Variants in NDUFB5 observed in about 807,000 individuals in gnomAD.
NDUFB5 encodes NADH:ubiquinone oxidoreductase subunit B5, also known as NADH dehydrogenase [ubiquinone] 1 beta subcomplex subunit 5, mitochondrial.
A neutral mutation model predicts 19.4 loss-of-function variants in NDUFB5; 19 were observed. The ratio of observed to expected loss-of-function variants is 0.98; its 90% CI spans 0.68 to 1.43. The LOEUF is 1.43. Among genes scored for constraint, NDUFB5 ranks in the 40% most tolerant of loss-of-function variants. NDUFB5 has a pLI of 0.00. For synonymous variants in NDUFB5, 80 were observed against 82.6 expected (o/e 0.97, Z 0.17); for missense variants, 233 against 236.5 (o/e 0.99, Z 0.10).
chr3:179,614,346 A>C (rs1364242006), intron 1 of NDUFB5, among the ~76,000 whole-genome samples: 1 of 152,190 alleles, frequency 6.6e-6, no homozygotes, highest in Non-Finnish European at 1.5e-5. Context: ...GATATTTTAG[A>C]GTGTGTAGTT....
In NDUFB5 at chr3:179,624,446, C is replaced by CT. The variant is rs1719615464; in HGVS notation, c.*407dup. 6.5e-6 allele frequency: 1 copy of CT among 153,558 alleles called. No individual in the cohort carries two copies. The highest frequency in any genetic ancestry group is 6.5e-5 in the Admixed American group (1 of 15,302). 9.5% of individuals were successfully genotyped at this position (153,558 alleles called of 1,614,324 possible). A position where few individuals can be genotyped will look rare whatever the true frequency, so the allele number is the denominator to read the frequency against. On this transcript the variant is annotated 3_prime_UTR_variant, in exon 6 of 6. Coordinates refer to ENST00000259037, the MANE Select transcript of NDUFB5 (RefSeq NM_002492.4). Reference sequence around the variant, plus strand: ...AGTTCCATAAAGTATTGAACCAACTCTAAAATGTTAACTCCTTAATAAACA... The same window carrying CT: ...AGTTCCATAAAGTATTGAACCAACTCTTAAAATGTTAACTCCTTAATAAACA...
intron 4 of NDUFB5, chr3:179,618,161 C>T (rs1719432825): frequency 3.3e-6 from 1 of 304,178 alleles, no homozygotes; most frequent in African/African-American, 2.2e-5. Flanking sequence ...GCTTTGGAGT[C>T]AGACAGACCT....
chr3:179,616,882 C>A, intron 3 of NDUFB5, 101 bp from the exon 4 acceptor site: 1 of 814,712 alleles, frequency 1.2e-6, no homozygotes, highest in South Asian at 1.6e-5. Context: ...TTTAAAGAAT[C>A]CTTTAAAACC....
intron 5 of NDUFB5, 110 bp downstream of exon 5, chr3:179,618,631 A>G (rs1719446141): frequency 4.1e-6 from 3 of 737,032 alleles, no homozygotes; most frequent in Non-Finnish European, 2.3e-6. Flanking sequence ...TACTTTATGT[A>G]AAAGGATAAA....
In NDUFB5 at chr3:179,616,153, C is replaced by T. The variant is rs567276843; in HGVS notation, c.280+104C>T. 2.4e-4 allele frequency: 200 copies of T among 835,300 alleles called. 2 individuals are homozygous for T. In the South Asian group the frequency reaches 3.3e-3, roughly 14 times the overall value. 51.7% of individuals were successfully genotyped at this position (835,300 alleles called of 1,614,324 possible). A position where few individuals can be genotyped will look rare whatever the true frequency, so the allele number is the denominator to read the frequency against. ...ATTATGGATATTGTAATGAAAAGCT[C>T]TTTAAATAATTAAGCATAAGCATGG... On this transcript the variant is annotated intron_variant, in intron 3 of 5. Coordinates refer to ENST00000259037, the MANE Select transcript of NDUFB5 (RefSeq NM_002492.4).
chr3:179,612,606 A>G (rs1444134666), intron 1 of NDUFB5, among the ~76,000 whole-genome samples: 1 of 150,210 alleles, frequency 6.7e-6, no homozygotes, highest in Non-Finnish European at 1.5e-5. Flanking sequence ...CCTCCCGAGT[A>G]GCTGGGACTA....
chr3:179,616,113 T>G (rs1460517590), intron 3 of NDUFB5, 64 bp downstream of exon 3: 3 of 1,143,816 alleles, frequency 2.6e-6, no homozygotes, highest in Non-Finnish European at 3.8e-6. Context: ...ATATGTACAT[T>G]AATATAAAAA....
At chr3:179,620,751 T>C (rs1380839465) in intron 5 of NDUFB5, among the ~76,000 whole-genome samples, 1 of 152,216 alleles carries the variant, frequency 6.6e-6, no homozygotes, top group African/African-American at 2.4e-5. Flanking sequence ...TACATACTGC[T>C]GTGTTTAATT....
rs115930559 is a variant in NDUFB5, at chr3:179,622,724, C to T, written c.450-1196C>T. On this transcript the variant is annotated intron_variant, in intron 5 of 5. Transcript: ENST00000259037. ...TAATCCTTCAAAAAAGATCAATAAA[C>T]ATAACCTCACAAAGGCATATAATCT... Among the ~76,000 whole-genome samples, 796 of 152,288 alleles carry T rather than the reference C, an allele frequency of 5.2e-3. 3 individuals carry two copies. Among genetic ancestry groups the T allele is most frequent in the Middle Eastern group, 0.017 (5 of 294 alleles).
chr3:179,608,493 A>G (rs1425180664), intron 1 of NDUFB5, among the ~76,000 whole-genome samples: 1 of 152,080 alleles, frequency 6.6e-6, no homozygotes, highest in African/African-American at 2.4e-5. Flanking sequence ...GCGCCCTGCC[A>G]GAAGAGAGTT....
intron 1 of NDUFB5, among the ~76,000 whole-genome samples, chr3:179,612,718 C>T (rs560297830): frequency 6.6e-5 from 10 of 152,002 alleles, no homozygotes; most frequent in Non-Finnish European, 1.3e-4. Flanking sequence ...TCTCGTGAGC[C>T]GCCCGCCTCG....
At chr3:179,623,547 C>T (rs2108405141) in intron 5 of NDUFB5, among the ~76,000 whole-genome samples, 1 of 151,954 alleles carries the variant, frequency 6.6e-6, no homozygotes, top group East Asian at 1.9e-4. Context: ...GGTGGTGGGC[C>T]CCTGTAGTCC....
rs1316331305 is a variant in NDUFB5 at position 179,626,332 on chromosome 3, A to G, written c.*2292A>G. On this transcript the variant is annotated 3_prime_UTR_variant, in exon 6 of 6. Coordinates refer to ENST00000259037, the MANE Select transcript of NDUFB5 (RefSeq NM_002492.4). ...ATCTGGGCTTCCACATCCTGGGCTC[A>G]AGTGATCATTCCACCTCAGGATGAC... 3 of 151,548 alleles carry G rather than the reference A, an allele frequency of 2.0e-5. No homozygotes were observed. Among genetic ancestry groups the G allele is most frequent in the Non-Finnish European group, 2.9e-5 (2 of 67,980 alleles). 9.4% of individuals were successfully genotyped at this position (151,548 alleles called of 1,614,324 possible).
Position 179,608,251 on chromosome 3 carries a change from G to A in NDUFB5, c.124+3312G>A, listed in dbSNP as rs186201154. On this transcript the variant is annotated intron_variant, in intron 1 of 5. Coordinates refer to ENST00000259037, the MANE Select transcript of NDUFB5 (RefSeq NM_002492.4). The stretch of plus-strand genomic sequence containing the variant: ...GTTGCCCAGGCTGGAGTGCAGTGGC[G>A]CGATCTTGGCTCACACAGCCATCTC... Among the ~76,000 whole-genome samples the A allele has an allele frequency of 2.0e-3, 305 of 151,818 alleles. 2 individuals are homozygous for A. Among genetic ancestry groups the A allele is most frequent in the African/African-American group, 6.5e-3 (269 of 41,360 alleles).
In NDUFB5 at chr3:179,618,421, A is replaced by G. The variant is rs1212213064; in HGVS notation, c.349A>G (p.Ile117Val). 17 of 1,600,572 alleles carry G rather than the reference A, an allele frequency of 1.1e-5. No individual in the cohort carries two copies. The highest frequency in any genetic ancestry group is 1.4e-5 in the Non-Finnish European group (17 of 1,172,830). The change falls in exon 5 of 6, where the codon ATA (isoleucine) becomes GTA (valine). Residue 117 changes from isoleucine (I) to valine (V), a missense_variant. By Grantham distance (29) the Ile-to-Val change is conservative (BLOSUM62 3). Transcript: ENST00000259037. ...PEHWEYYKHPISRWIARNFYD... is the reference protein window; with the variant it reads ...PEHWEYYKHPVSRWIARNFYD... ...AACGAATTTTCTCTTGTAGCATCCC[A>G]TATCAAGATGGATTGCCCGTAATTT... is the stretch of plus-strand genomic sequence containing the variant.
At chr3:179,608,004 G>A (rs1719147733) in intron 1 of NDUFB5, among the ~76,000 whole-genome samples, 1 of 152,018 alleles carries the variant, frequency 6.6e-6, no homozygotes, top group South Asian at 2.1e-4. Context: ...TTGTTTGTTT[G>A]TTTGTTTTGT....
At chr3:179,623,837 G>C in intron 5 of NDUFB5, 83 bp from the exon 6 acceptor site, 9 of 1,537,564 alleles carry the variant, frequency 5.9e-6, no homozygotes, top group Non-Finnish European at 8.1e-6. Context: ...GCAGACTCCA[G>C]TGATTGTCCT....
intron 1 of NDUFB5, among the ~76,000 whole-genome samples, chr3:179,612,154 A>C (rs1719259072): frequency 6.6e-6 from 1 of 151,836 alleles, no homozygotes; most frequent in Admixed American, 6.6e-5. Context: ...TGGCCCTACT[A>C]CATCAACAAT....
At chr3:179,615,479 T>A in intron 2 of NDUFB5, 1 of 403,406 alleles carries the variant, frequency 2.5e-6, no homozygotes, top group Non-Finnish European at 5.1e-6. Flanking sequence ...GTAACAGGGA[T>A]CTATAGTGCA....
Sources: allele counts gnomAD v4.1 joint callset (sites outside exome capture counted in the v4.1 genomes callset), GRCh38; gene constraint gnomAD v4.1.1; transcripts MANE v1.5; gene names NCBI Gene and HGNC (gene_info 2026-07-23, HGNC 2026-07-21).